SHROOM3: variants seen among roughly 807,000 people sequenced by gnomAD.
SHROOM3 encodes protein Shroom3.
SHROOM3 carries 47 observed loss-of-function variants against 138.6 expected under a neutral mutation model. The observed-to-expected ratio is 0.34, with a 90% CI of 0.27 to 0.43. The LOEUF (loss-of-function observed/expected upper bound fraction) is 0.43. Ranked by LOEUF, SHROOM3 falls within the 20% of genes least tolerant of loss-of-function variation. The probability of loss-of-function intolerance (pLI) is 1.00; values close to 1 mark genes in which losing one functional copy is unlikely to be tolerated. For missense variants in SHROOM3, 2,491 were observed against 2,596.5 expected (o/e 0.96, Z 0.88); for synonymous variants, 1,062 against 1,063.3 (o/e 1.00, Z 0.02).
intron 1 of SHROOM3, among the ~76,000 whole-genome samples, chr4:76,450,223 G>T (rs560731810): frequency 1.3e-5 from 2 of 152,086 alleles, no homozygotes; most frequent in Non-Finnish European, 2.9e-5. Flanking sequence ...AAAATTGCTT[G>T]GTTTGTCCTA....
At chr4:76,602,596 A>G (rs1163092394) in intron 2 of SHROOM3, among the ~76,000 whole-genome samples, 3 of 152,214 alleles carry the variant, frequency 2.0e-5, no homozygotes, top group Non-Finnish European at 4.4e-5. Flanking sequence ...ACAATAAATA[A>G]ACTTCATTAT....
At chr4:76,461,810 A>G (rs1731148152) in intron 1 of SHROOM3, among the ~76,000 whole-genome samples, 1 of 152,248 alleles carries the variant, frequency 6.6e-6, no homozygotes, top group South Asian at 2.1e-4. Context: ...CACATCTGGA[A>G]CAGCAGTTGC....
intron 1 of SHROOM3, among the ~76,000 whole-genome samples, chr4:76,515,013 G>A (rs1404405631): frequency 2.6e-5 from 4 of 152,026 alleles, no homozygotes; most frequent in African/African-American, 4.8e-5. Flanking sequence ...TCAGGAGTTC[G>A]AGACCAGTCT....
At chr4:76,441,831 T>C (rs927169047) in intron 1 of SHROOM3, among the ~76,000 whole-genome samples, 7 of 152,220 alleles carry the variant, frequency 4.6e-5, no homozygotes, top group Admixed American at 2.6e-4. Context: ...CAAGCGATTC[T>C]CCTGCCTCAG....
At chr4:76,748,690 A>G (rs1377901862) in intron 5 of SHROOM3, among the ~76,000 whole-genome samples, 1 of 151,420 alleles carries the variant, frequency 6.6e-6, no homozygotes, top group Non-Finnish European at 1.5e-5. Context: ...TCGTTATCCT[A>G]TTTCAAGTTT....
In SHROOM3 at chr4:76,670,926, G is replaced by A. The variant is rs75775225; in HGVS notation, c.324-39230G>A. Among the ~76,000 whole-genome samples, 1,304 of 152,196 alleles carry A rather than the reference G, an allele frequency of 8.6e-3. 20 individuals are homozygous for A. Among genetic ancestry groups the A allele is most frequent in the African/African-American group, 0.03 (1,247 of 41,502 alleles). ...CATGCCACTGCACCCCAGGCTGGGT[G>A]CAGAGTAAGACCCTGTTTCAAAAAT... On this transcript the variant is annotated intron_variant, in intron 2 of 10. Transcript: ENST00000296043.
Position 76,756,500 on chromosome 4 carries a change from T to G in SHROOM3, c.4761T>G (p.Gly1587=). Residue 1587 remains glycine, a synonymous_variant, in exon 8 of 11, where the codon GGT becomes GGG. Coordinates refer to ENST00000296043, the MANE Select transcript of SHROOM3 (RefSeq NM_020859.4). ...VTIARERHMP[G]AAHVVGSQTL... is the part of the protein sequence containing the mutation. Reference sequence around the variant, plus strand: ...TTGCAAGGGAAAGGCACATGCCTGGTGCAGCCCATGTGGTAGGTAGTCAGA... The same window carrying G: ...TTGCAAGGGAAAGGCACATGCCTGGGGCAGCCCATGTGGTAGGTAGTCAGA... 4 of 1,613,676 alleles carry G rather than the reference T, an allele frequency of 2.5e-6. No individual in the cohort carries two copies. The highest frequency in any genetic ancestry group is 3.4e-6 in the Non-Finnish European group (4 of 1,179,980).
At chr4:76,604,681 G>A (rs1734579368) in intron 2 of SHROOM3, among the ~76,000 whole-genome samples, 2 of 152,176 alleles carry the variant, frequency 1.3e-5, no homozygotes, top group African/African-American at 4.8e-5. Flanking sequence ...GTTAGACAAT[G>A]TCTGAAACTT....
At chr4:76,736,693 C>CACAA (rs1721081496) in intron 4 of SHROOM3, among the ~76,000 whole-genome samples, 1 of 152,282 alleles carries the variant, frequency 6.6e-6, no homozygotes, top group Admixed American at 6.5e-5. Context: ...AACAGTGAGT[C>CACAA]ACAAACATTT....
intron 3 of SHROOM3, among the ~76,000 whole-genome samples, chr4:76,714,567 TA>T (rs1720320135): frequency 6.6e-6 from 1 of 152,202 alleles, no homozygotes; most frequent in Non-Finnish European, 1.5e-5. Context: ...TTTTCTATTT[TA>T]AAGTTACTAT....
At chr4:76,742,326 T>C (rs1262723682) in intron 5 of SHROOM3, among the ~76,000 whole-genome samples, 2 of 152,098 alleles carry the variant, frequency 1.3e-5, no homozygotes, top group Non-Finnish European at 2.9e-5. Flanking sequence ...TCTGTTTCTA[T>C]TGGACTTTGC....
intron 2 of SHROOM3, among the ~76,000 whole-genome samples, chr4:76,632,304 T>G (rs1373477638): frequency 6.6e-6 from 1 of 152,086 alleles, no homozygotes; most frequent in Non-Finnish European, 1.5e-5. Flanking sequence ...TAGGAAAGAA[T>G]GTAGATAGAG....
chr4:76,583,565 G>A (rs1212234717), intron 2 of SHROOM3, among the ~76,000 whole-genome samples: 2 of 152,202 alleles, frequency 1.3e-5, no homozygotes, highest in Non-Finnish European at 2.9e-5. Flanking sequence ...CACAAAGCTG[G>A]TGAATGCAAA....
At chr4:76,469,425 C>T (rs72657865) in intron 1 of SHROOM3, among the ~76,000 whole-genome samples, 5,223 of 151,720 alleles carry the variant, frequency 0.034, 104 homozygotes, top group Middle Eastern at 0.072. Flanking sequence ...AATTCCCAGT[C>T]GTTTCATTTC....
intron 1 of SHROOM3, among the ~76,000 whole-genome samples, chr4:76,536,735 T>C (rs1490596563): frequency 6.6e-6 from 1 of 152,246 alleles, no homozygotes; most frequent in African/African-American, 2.4e-5. Flanking sequence ...CTCTCTCTTA[T>C]TTTAACTCCT....
At chr4:76,606,219 G>A (rs1454877681) in intron 2 of SHROOM3, among the ~76,000 whole-genome samples, 1 of 149,308 alleles carries the variant, frequency 6.7e-6, no homozygotes, top group East Asian at 2.0e-4. Context: ...TCACCAAGTT[G>A]GCCAGGATGG....
intron 1 of SHROOM3, among the ~76,000 whole-genome samples, chr4:76,465,180 C>A (rs988722906): frequency 6.6e-6 from 1 of 152,196 alleles, no homozygotes; most frequent in East Asian, 1.9e-4. Context: ...TAGCATATGT[C>A]TACATATGTA....
rs186500533 is a variant in SHROOM3, at chr4:76,519,425, G to C, written c.169-36184G>C. The stretch of plus-strand genomic sequence containing the variant: ...TAAACAGAAAAAAGCAGAAGAAATA[G>C]ACAAAATAGAAAAATAACAATATAA... On this transcript the variant is annotated intron_variant, in intron 1 of 10. Transcript: ENST00000296043. Among the ~76,000 whole-genome samples the C allele has an allele frequency of 3.3e-3, 496 of 152,264 alleles. 2 individuals carry two copies. In the Middle Eastern group the frequency reaches 0.034, roughly 10 times the overall value.
intron 2 of SHROOM3, among the ~76,000 whole-genome samples, chr4:76,649,636 T>TA (rs1327645640): frequency 6.6e-6 from 1 of 152,204 alleles, no homozygotes; most frequent in Non-Finnish European, 1.5e-5. Context: ...AGGATAACTC[T>TA]AAAAAATCAT....
Sources: gnomAD v4.1 joint callset for allele counts (sites outside exome capture counted in the v4.1 genomes callset) on GRCh38, gnomAD v4.1.1 for gene constraint, MANE v1.5 for transcripts, NCBI Gene and HGNC (gene_info 2026-07-23, HGNC 2026-07-21) for gene names.